The following TRPC6 variants were observed in gnomAD, a reference collection of about 807,000 sequenced individuals.
TRPC6 encodes short transient receptor potential channel 6.
A neutral mutation model predicts 90.7 loss-of-function variants in TRPC6; 55 were observed. The observed-to-expected ratio is 0.61, with a 90% CI of 0.49 to 0.76. The LOEUF is 0.76. Among genes scored for constraint, TRPC6 ranks in the 30% least tolerant of loss-of-function variants. The pLI is 0.00. For missense variants in TRPC6, 989 were observed against 1,122.7 expected (o/e 0.88, Z 1.70); for synonymous variants, 393 against 393.0 (o/e 1.00, Z 0.00).
chr11:101,539,167 C>T (rs142310473), intron 1 of TRPC6, among the ~76,000 whole-genome samples: 8 of 152,318 alleles, frequency 5.3e-5, no homozygotes, highest in East Asian at 1.9e-4. Context: ...ATCTTTATCA[C>T]GCTCAATTTT....
chr11:101,487,189 A>AG (rs1835456171), intron 4 of TRPC6, among the ~76,000 whole-genome samples: 2 of 152,180 alleles, frequency 1.3e-5, no homozygotes, highest in South Asian at 4.1e-4. Flanking sequence ...GTTATGGAAA[A>AG]GGAAAATTAT....
At chr11:101,554,192 T>C (rs1179953582) in intron 1 of TRPC6, among the ~76,000 whole-genome samples, 1 of 152,150 alleles carries the variant, frequency 6.6e-6, no homozygotes, top group Non-Finnish European at 1.5e-5. Context: ...GAAATGGATG[T>C]GTGAGACAGT....
rs75353850 is a variant in TRPC6, at chr11:101,480,735, C to T, written c.1510+2214G>A. 8.9e-3 allele frequency among the ~76,000 whole-genome samples: 1,346 copies of T among 152,026 alleles called. 10 individuals are homozygous for T. The highest frequency in any genetic ancestry group is 0.031 in the African/African-American group (1,282 of 41,498). On this transcript the variant is annotated intron_variant, in intron 5 of 12. Transcript: ENST00000344327. Reference sequence around the variant, plus strand: ...TTATCTGAAATTTCTTGAACATGTCCGTTGTGCCAAGTACTGTATTATTTA... The same window carrying T: ...TTATCTGAAATTTCTTGAACATGTCTGTTGTGCCAAGTACTGTATTATTTA...
chr11:101,470,574 C>T (rs1234987940), intron 9 of TRPC6, among the ~76,000 whole-genome samples: 1 of 152,180 alleles, frequency 6.6e-6, no homozygotes, highest in Non-Finnish European at 1.5e-5. Flanking sequence ...CACATGTTCT[C>T]TAAACATATC....
At chr11:101,575,457 C>G (rs544095301) in intron 1 of TRPC6, among the ~76,000 whole-genome samples, 15 of 152,274 alleles carry the variant, frequency 9.9e-5, no homozygotes, top group Admixed American at 9.8e-4. Flanking sequence ...TTTGGCAAGT[C>G]ACCTACCTTC....
At position 101,452,592 on chromosome 11, in the gene TRPC6, C is replaced by T. The variant is rs77869343; in HGVS notation, c.*363G>A. 1 of 222,084 alleles carries T rather than the reference C, an allele frequency of 4.5e-6. No individual in the cohort carries two copies. The highest frequency in any genetic ancestry group is 2.3e-5 in the African/African-American group (1 of 43,290). The allele number at this position is 222,084 out of a possible 1,614,324, so 13.8% of individuals were successfully genotyped here. A position where few individuals can be genotyped will look rare whatever the true frequency, so the allele number is the denominator to read the frequency against. The stretch of plus-strand genomic sequence containing the variant: ...GCAAGAAGGAACCTGAAATAAACTT[C>T]AGAGGAAAAACCGCATGGGGAGTAA... On this transcript the variant is annotated 3_prime_UTR_variant, in exon 13 of 13. Transcript: ENST00000344327.
Position 101,452,755 on chromosome 11 carries a change from T to TATC in TRPC6, c.*197_*199dup, listed in dbSNP as rs1228882972. 4 of 590,232 alleles carry TATC rather than the reference T, an allele frequency of 6.8e-6. No individual in the cohort carries two copies. Among genetic ancestry groups the TATC allele is most frequent in the Non-Finnish European group, 1.2e-5 (4 of 337,678 alleles). 36.6% of individuals were successfully genotyped at this position (590,232 alleles called of 1,614,324 possible). ...AACAACTGGGCATAATTTTCCTCAT[T>TATC]ATCTACAGCCTTTACCCTGAACAAT... On this transcript the variant is annotated 3_prime_UTR_variant, in exon 13 of 13. Transcript: ENST00000344327.
intron 1 of TRPC6, among the ~76,000 whole-genome samples, chr11:101,517,729 T>C (rs1427038757): frequency 1.3e-5 from 2 of 152,330 alleles, no homozygotes; most frequent in East Asian, 3.9e-4. Context: ...TTATTAATTA[T>C]ATAGTTAATT....
chr11:101,485,500 C>A (rs1035630520), intron 4 of TRPC6, among the ~76,000 whole-genome samples: 2 of 151,752 alleles, frequency 1.3e-5, no homozygotes, highest in Non-Finnish European at 2.9e-5. Context: ...TTTATTTTAA[C>A]CGTGTATTAG....
At chr11:101,478,814 T>C (rs1316012059) in intron 5 of TRPC6, among the ~76,000 whole-genome samples, 1 of 152,198 alleles carries the variant, frequency 6.6e-6, no homozygotes, top group Non-Finnish European at 1.5e-5. Flanking sequence ...GCAGTGGTTC[T>C]ATTTTTGCCC....
In TRPC6 at chr11:101,491,836, C is replaced by CTTTTTTTTTTTTTT. The variant is rs71056611; in HGVS notation, c.946-112_946-99dup. The CTTTTTTTTTTTTTT allele has an allele frequency of 1.8e-5, 8 of 445,044 alleles. 1 individual carries two copies. The African/African-American group carries it at 2.8e-4, about 15-fold the overall frequency. 27.6% of individuals were successfully genotyped at this position (445,044 alleles called of 1,614,324 possible). On this transcript the variant is annotated intron_variant, in intron 2 of 12. Coordinates refer to ENST00000344327, the MANE Select transcript of TRPC6 (RefSeq NM_004621.6). ...GATTTTATACTTTAAGAGAAACATT[C>CTTTTTTTTTTTTTT]TTTTTTTTTTTTTTTTTTTTTTGAG... is the stretch of plus-strand genomic sequence containing the variant.
Position 101,495,595 on chromosome 11 carries a change from ATT to A in TRPC6, c.946-3859_946-3858del, listed in dbSNP as rs1859923371. Among the ~76,000 whole-genome samples, 11 of 51,900 alleles carry A rather than the reference ATT, an allele frequency of 2.1e-4. No homozygotes were observed. In the South Asian group the frequency reaches 5.7e-3, roughly 27 times the overall value. 34.0% of individuals were successfully genotyped at this position (51,900 alleles called of 152,430 possible). On this transcript the variant is annotated intron_variant, in intron 2 of 12. Transcript: ENST00000344327. ...AGGGTAGTGCAGATCAATGGTAATT[ATT>A]ATTATTATTATTATTATTATTATTA...
At chr11:101,479,381 T>C (rs1030254157) in intron 5 of TRPC6, among the ~76,000 whole-genome samples, 1 of 152,260 alleles carries the variant, frequency 6.6e-6, no homozygotes, top group Non-Finnish European at 1.5e-5. Context: ...CTCCCTGTGT[T>C]CCTGCTACAT....
chr11:101,577,118 C>T (rs930875252), intron 1 of TRPC6, among the ~76,000 whole-genome samples: 5 of 152,092 alleles, frequency 3.3e-5, no homozygotes, highest in Non-Finnish European at 7.4e-5. Context: ...TTTACACGTG[C>T]TTTTCCCCTG....
rs371824410 is a variant in TRPC6, at chr11:101,492,189, C to A, written c.946-451G>T. ...CTGTTCATTTATCATATATCAATTGCAGTTTCTGCTGACTGACCTCTAAAA... is the reference window on the plus strand; with the variant it reads ...CTGTTCATTTATCATATATCAATTGAAGTTTCTGCTGACTGACCTCTAAAA... On this transcript the variant is annotated intron_variant, in intron 2 of 12. Coordinates refer to ENST00000344327, the MANE Select transcript of TRPC6 (RefSeq NM_004621.6). Among the ~76,000 whole-genome samples the A allele has an allele frequency of 5.3e-5, 8 of 152,162 alleles. No individual in the cohort carries two copies. The East Asian group carries it at 1.2e-3, about 22-fold the overall frequency.
intron 1 of TRPC6, among the ~76,000 whole-genome samples, chr11:101,519,180 A>C (rs1193007549): frequency 1.3e-5 from 2 of 152,170 alleles, no homozygotes; most frequent in African/African-American, 2.4e-5. Context: ...TTTAAAAATA[A>C]TGTGAAGAAT....
chr11:101,536,391 C>A (rs1861046368), intron 1 of TRPC6, among the ~76,000 whole-genome samples: 1 of 136,080 alleles, frequency 7.3e-6, no homozygotes. Context: ...GATCCCCCAG[C>A]CCCTCCCTCC....
At chr11:101,574,638 G>A (rs554795985) in intron 1 of TRPC6, among the ~76,000 whole-genome samples, 20 of 151,150 alleles carry the variant, frequency 1.3e-4, no homozygotes, top group African/African-American at 4.7e-4. Flanking sequence ...CCTCCCCTAG[G>A]TTAAGTGTGG....
At chr11:101,558,276 T>C (rs1233136265) in intron 1 of TRPC6, among the ~76,000 whole-genome samples, 2 of 124,438 alleles carry the variant, frequency 1.6e-5, no homozygotes, top group Admixed American at 7.7e-5. Flanking sequence ...TGGGTATACA[T>C]GTATATATGT....
Sources: gnomAD v4.1 joint callset for allele counts (sites outside exome capture counted in the v4.1 genomes callset) on GRCh38, gnomAD v4.1.1 for gene constraint, MANE v1.5 for transcripts, NCBI Gene and HGNC (gene_info 2026-07-23, HGNC 2026-07-21) for gene names.